Variants in CCDC38 observed in about 807,000 individuals in gnomAD.
CCDC38 encodes the protein coiled-coil domain containing 38, also known as coiled-coil domain-containing protein 38.
A neutral mutation model predicts 72.8 loss-of-function variants in CCDC38; 69 were observed. The ratio of observed to expected loss-of-function variants is 0.95; its 90% CI spans 0.78 to 1.16. The LOEUF (loss-of-function observed/expected upper bound fraction) is 1.16. Among genes scored for constraint, CCDC38 ranks in the 50% most tolerant of loss-of-function variants. The probability of loss-of-function intolerance (pLI) is 0.00; values close to 1 mark genes in which losing one functional copy is unlikely to be tolerated. For missense variants in CCDC38, 626 were observed against 638.9 expected, an observed-to-expected ratio of 0.98 and a Z score of 0.22; for synonymous variants, 201 against 213.2, an observed-to-expected ratio of 0.94 and a Z score of 0.50.
At chr12:95,927,344 G>T (rs953298296) in intron 2 of CCDC38, among the ~76,000 whole-genome samples, 1 of 151,152 alleles carries the variant, frequency 6.6e-6, no homozygotes, top group African/African-American at 2.4e-5. Context: ...TGTTTTATCA[G>T]AGACTAGGAT....
chr12:95,871,145 A>G (rs368481547), intron 14 of CCDC38, among the ~76,000 whole-genome samples: 13 of 152,186 alleles, frequency 8.5e-5, no homozygotes, highest in African/African-American at 1.2e-4. Flanking sequence ...ATGCCACAGT[A>G]AGCTAGGGGT....
At chr12:95,919,358 AGG>A (rs1280039628) in intron 2 of CCDC38, 1 of 377,780 alleles carries the variant, frequency 2.6e-6, no homozygotes, top group Non-Finnish European at 5.2e-6. Flanking sequence ...TGAGTGGTTG[AGG>A]TACGGCTGCT....
At chr12:95,906,202 A>G (rs1345412116) in intron 5 of CCDC38, among the ~76,000 whole-genome samples, 185 bp downstream of exon 5, 1 of 152,210 alleles carries the variant, frequency 6.6e-6, no homozygotes, top group Non-Finnish European at 1.5e-5. Flanking sequence ...TGCTTTGTTT[A>G]CTGCTTGGCA....
At chr12:95,896,053 C>T (rs1278128566) in intron 7 of CCDC38, among the ~76,000 whole-genome samples, 1 of 107,580 alleles carries the variant, frequency 9.3e-6, no homozygotes, top group East Asian at 2.5e-4. Flanking sequence ...AAGACTCTGT[C>T]TCAAAAAAAA....
chr12:95,879,771 G>A lies in CCDC38; in HGVS notation c.1015C>T (p.Pro339Ser), dbSNP rs1394648205. ...DLEPALYFKE[P>S]EELLQVLREL... ...CTGAGGACTTGAAGTAACTCCTCTG[G>A]TTCCTTGAAATAAAGTGCTGGCTCC... The change falls in exon 12 of 16, where the codon CCA becomes TCA. Residue 339 changes from proline to serine, a missense_variant. By Grantham distance (74) the Pro-to-Ser change is moderately conservative. Transcript: ENST00000344280. The surrounding 1 kb of genome is among the most constrained non-coding windows in gnomAD (Gnocchi z 5.5). The A allele has an allele frequency of 3.1e-6, 5 of 1,607,622 alleles. No individual in the cohort carries two copies. In the South Asian group the frequency reaches 5.5e-5, roughly 18 times the overall value.
rs2080174452 is a variant in CCDC38, at chr12:95,918,938, A to G, written c.76T>C (p.Tyr26His). ...KDGSTKEDRPYKIFFRDLFLV... is the reference protein window; with the variant it reads ...KDGSTKEDRPHKIFFRDLFLV... ...AAGAGATCTCTGAAAAAGATCTTAT[A>G]AGGCCTGTCCTCTTTGGTTGAGCCA... Residue 26 changes from tyrosine to histidine, a missense_variant, in exon 3 of 16, where the codon TAT (tyrosine) becomes CAT (histidine). Tyr to His is a moderately conservative substitution (Grantham distance 83). Transcript: ENST00000344280. 6.2e-7 allele frequency: 1 copy of G among 1,612,310 alleles called. No homozygotes were observed.
intron 5 of CCDC38, chr12:95,903,715 T>C: frequency 2.6e-6 from 1 of 380,106 alleles, no homozygotes; most frequent in Non-Finnish European, 4.7e-6. Context: ...GTTAAATTAC[T>C]TTTGTATTCT....
intron 2 of CCDC38, among the ~76,000 whole-genome samples, chr12:95,932,160 T>C (rs1020091484): frequency 2.6e-5 from 4 of 152,106 alleles, no homozygotes; most frequent in African/African-American, 9.7e-5. Context: ...TAATACTTTG[T>C]AGTTGGATAA....
intron 4 of CCDC38, among the ~76,000 whole-genome samples, chr12:95,914,335 A>G (rs1355293615): frequency 6.6e-6 from 1 of 152,244 alleles, no homozygotes; most frequent in Non-Finnish European, 1.5e-5. Flanking sequence ...AAAACAAAAC[A>G]AAACAAAACA....
At chr12:95,885,283 G>A (rs2079746804) in intron 10 of CCDC38, 1 of 153,736 alleles carries the variant, frequency 6.5e-6, no homozygotes, top group Non-Finnish European at 1.5e-5. Context: ...AGAAGACACT[G>A]TTTGGACTGC....
rs187481421 is a variant in CCDC38, at chr12:95,883,273, G to A, written c.921-1719C>T. On this transcript the variant is annotated intron_variant, in intron 10 of 15. Coordinates refer to ENST00000344280, the MANE Select transcript of CCDC38 (RefSeq NM_182496.3). ...ATCCATCTTTCTAAAGTGCAAATAG[G>A]ATTGGGTCTCTGTCACACTCTTGTT... Among the ~76,000 whole-genome samples, 350 of 152,242 alleles carry A rather than the reference G, an allele frequency of 2.3e-3. 1 individual carries two copies. Among genetic ancestry groups the A allele is most frequent in the Middle Eastern group, 6.8e-3 (2 of 294 alleles).
At chr12:95,912,098 G>C (rs1322628016) in intron 4 of CCDC38, among the ~76,000 whole-genome samples, 1 of 152,190 alleles carries the variant, frequency 6.6e-6, no homozygotes, top group East Asian at 1.9e-4. Flanking sequence ...ATTCTCCTAA[G>C]TGAATTAACA....
intron 4 of CCDC38, among the ~76,000 whole-genome samples, chr12:95,912,333 T>G (rs1408333351): frequency 6.6e-6 from 1 of 152,102 alleles, no homozygotes; most frequent in Non-Finnish European, 1.5e-5. Context: ...CATACCCTCA[T>G]AACAAACCTG....
At chr12:95,906,251 A>C in intron 5 of CCDC38, 136 bp downstream of exon 5, 1 of 628,084 alleles carries the variant, frequency 1.6e-6, no homozygotes, top group Non-Finnish European at 2.8e-6. Context: ...AAATTAATGA[A>C]CACGTGAAAA....
chr12:95,877,882 A>T (rs547778519), intron 13 of CCDC38, among the ~76,000 whole-genome samples: 2 of 152,300 alleles, frequency 1.3e-5, no homozygotes, highest in South Asian at 4.1e-4. Flanking sequence ...TTACTCCTGG[A>T]ATTACCACCA....
intron 1 of CCDC38, among the ~76,000 whole-genome samples, chr12:95,940,164 T>G (rs897595320): frequency 6.6e-6 from 1 of 152,228 alleles, no homozygotes; most frequent in Non-Finnish European, 1.5e-5. Flanking sequence ...CTGCCGCCAT[T>G]TGAAATGGGA....
intron 13 of CCDC38, among the ~76,000 whole-genome samples, chr12:95,876,526 A>C (rs566605623): frequency 6.6e-6 from 1 of 152,336 alleles, no homozygotes; most frequent in East Asian, 1.9e-4. Context: ...GACACGCTTA[A>C]AATAGCTAAC....
chr12:95,869,653 C>T, intron 14 of CCDC38, 80 bp from the exon 15 acceptor site: 1 of 1,040,136 alleles, frequency 9.6e-7, no homozygotes, highest in Non-Finnish European at 1.5e-6. Flanking sequence ...TGTTAATGAG[C>T]CATGTGACTA....
chr12:95,874,442 A>C (rs1451437975), intron 13 of CCDC38, among the ~76,000 whole-genome samples: 1 of 152,140 alleles, frequency 6.6e-6, no homozygotes, highest in Non-Finnish European at 1.5e-5. Flanking sequence ...GAGAGGAGAG[A>C]AAATGGCGAG....
Sources: gnomAD v4.1 joint callset for allele counts (sites outside exome capture counted in the v4.1 genomes callset) on GRCh38, gnomAD v4.1.1 for gene constraint, Gnocchi (gnomAD v3.1) non-coding constraint, MANE v1.5 for transcripts, NCBI Gene and HGNC (gene_info 2026-07-23, HGNC 2026-07-21) for gene names.